Variants in PTGER4 observed in about 807,000 individuals in gnomAD.
The protein encoded by PTGER4 is prostaglandin E2 receptor EP4 subtype.
A neutral mutation model predicts 33.2 loss-of-function variants in PTGER4; 11 were observed. The ratio of observed to expected loss-of-function variants is 0.33; its 90% CI spans 0.21 to 0.55. The LOEUF (loss-of-function observed/expected upper bound fraction) is 0.55, where lower values mean the gene tolerates loss of function less well. PTGER4 is among the 20% of genes least tolerant of loss of function. The pLI is 0.92. For missense variants in PTGER4, 481 were observed against 650.2 expected, an observed-to-expected ratio of 0.74 and a Z score of 2.83; for synonymous variants, 275 against 281.5, an observed-to-expected ratio of 0.98 and a Z score of 0.23.
At chr5:40,699,516 T>G in the PTGER4 span, among the ~76,000 whole-genome samples, 191 of 152,178 alleles carry the variant, frequency 1.3e-3, 3 homozygotes, top group African/African-American at 4.4e-3. Flanking sequence ...GAGGGCAACA[T>G]ATCATGACTT....
At chr5:40,697,960 C>T (rs1010827063), downstream of PTGER4, among the ~76,000 whole-genome samples, 6 of 151,756 alleles carry the variant, frequency 4.0e-5, no homozygotes, top group Admixed American at 2.6e-4. Context: ...ATGTCCTCTG[C>T]AGTAGCACAA....
chr5:40,726,160 TACAC>T, the PTGER4 span, among the ~76,000 whole-genome samples: 6 of 148,162 alleles, frequency 4.0e-5, no homozygotes, highest in South Asian at 2.1e-4. Context: ...TATATATATA[TACAC>T]ACACACACAC....
At chr5:40,722,616 G>GC in the PTGER4 span, among the ~76,000 whole-genome samples, 1 of 151,884 alleles carries the variant, frequency 6.6e-6, no homozygotes. Flanking sequence ...GAAGTGAGGA[G>GC]CCCCTCCGCC....
chr5:40,714,370 T>C, the PTGER4 span: 17 of 152,342 alleles, frequency 1.1e-4, no homozygotes, highest in South Asian at 1.9e-3. Flanking sequence ...TGAGGCACCA[T>C]GCAAGGTACT....
At chr5:40,746,437 G>C in the PTGER4 span, among the ~76,000 whole-genome samples, 7 of 151,998 alleles carry the variant, frequency 4.6e-5, no homozygotes, top group Non-Finnish European at 7.4e-5. Flanking sequence ...TAATTTACCT[G>C]ATACATAATG....
the PTGER4 span, among the ~76,000 whole-genome samples, chr5:40,729,350 T>C: frequency 2.0e-5 from 3 of 152,218 alleles, no homozygotes; most frequent in East Asian, 1.9e-4. Context: ...TAAGGCTGAA[T>C]TGCAACAATT....
chr5:40,692,892 A>AG lies in PTGER4; in HGVS notation c.*514_*515insG. 1 of 983,060 alleles carries AG rather than the reference A, an allele frequency of 1.0e-6. No individual in the cohort carries two copies. Among genetic ancestry groups the AG allele is most frequent in the Non-Finnish European group, 1.2e-6 (1 of 827,294 alleles). 60.9% of individuals were successfully genotyped at this position (983,060 alleles called of 1,614,324 possible). On this transcript the variant is annotated 3_prime_UTR_variant, in exon 3 of 3. Coordinates refer to ENST00000302472, the MANE Select transcript of PTGER4 (RefSeq NM_000958.3). ...AAGGTTTATTGTTAATACAAGGTAT[A>AG]ATAAAATTATCGCAACCCCTCTCCT... is the stretch of plus-strand genomic sequence containing the variant.
At chr5:40,738,671 T>C in the PTGER4 span, among the ~76,000 whole-genome samples, 1 of 152,082 alleles carries the variant, frequency 6.6e-6, no homozygotes, top group South Asian at 2.1e-4. Flanking sequence ...ATGAGCAATG[T>C]ATAAAAGTTT....
chr5:40,710,974 G>A, the PTGER4 span, among the ~76,000 whole-genome samples: 450 of 152,192 alleles, frequency 3.0e-3, 3 homozygotes, highest in African/African-American at 0.011. Context: ...TATACCTAAT[G>A]TAAATGATGA....
At position 40,692,434 on chromosome 5, in the gene PTGER4, T is replaced by C. The variant is rs921849163; in HGVS notation, c.*56T>C. On this transcript the variant is annotated 3_prime_UTR_variant, in exon 3 of 3. Coordinates refer to ENST00000302472, the MANE Select transcript of PTGER4 (RefSeq NM_000958.3). ...TGGACCCTTATAAAATCCTGTGCAA[T>C]AGACACATACATGTCACATTTAGCT... 2.6e-5 allele frequency: 39 copies of C among 1,516,922 alleles called. No individual in the cohort carries two copies. The African/African-American group carries it at 5.3e-4, about 21-fold the overall frequency. The allele number at this position is 1,516,922 out of a possible 1,614,324, so 94.0% of individuals were successfully genotyped here.
At chr5:40,700,250 T>C in the PTGER4 span, among the ~76,000 whole-genome samples, 14 of 152,330 alleles carry the variant, frequency 9.2e-5, no homozygotes, top group East Asian at 1.3e-3. Flanking sequence ...GACTGAGTCA[T>C]TGAAAACTAA....
At chr5:40,687,719 C>A (rs1368586183) in intron 2 of PTGER4, among the ~76,000 whole-genome samples, 1 of 152,122 alleles carries the variant, frequency 6.6e-6, no homozygotes, top group Non-Finnish European at 1.5e-5. Flanking sequence ...TTCAATCTAA[C>A]CAACTTTTGA....
the PTGER4 span, among the ~76,000 whole-genome samples, chr5:40,700,163 G>A: frequency 1.3e-5 from 2 of 152,206 alleles, no homozygotes; most frequent in African/African-American, 4.8e-5. Flanking sequence ...AAAATTGGAA[G>A]ATGAAAATTT....
intron 2 of PTGER4, among the ~76,000 whole-genome samples, chr5:40,687,208 G>C (rs1343801959): frequency 6.6e-6 from 1 of 152,018 alleles, no homozygotes; most frequent in African/African-American, 2.4e-5. Context: ...ACCACGCCCG[G>C]CTAATTTTGT....
At chr5:40,695,723 A>C (rs1438461148), downstream of PTGER4, among the ~76,000 whole-genome samples, 3 of 152,152 alleles carry the variant, frequency 2.0e-5, no homozygotes, top group African/African-American at 7.2e-5. Context: ...AAAAGAAAAA[A>C]ATGGTACTTT....
chr5:40,701,193 G>GATT, the PTGER4 span, among the ~76,000 whole-genome samples: 1 of 152,202 alleles, frequency 6.6e-6, no homozygotes, highest in Non-Finnish European at 1.5e-5. Context: ...TGGCTGGAAT[G>GATT]ATAGAAATAG....
At chr5:40,745,922 G>A in the PTGER4 span, among the ~76,000 whole-genome samples, 5 of 151,902 alleles carry the variant, frequency 3.3e-5, no homozygotes, top group African/African-American at 9.7e-5. Context: ...CTTTAATACA[G>A]ATTTGAAATT....
intron 2 of PTGER4, among the ~76,000 whole-genome samples, chr5:40,688,172 A>G (rs911112434): frequency 6.6e-6 from 1 of 152,198 alleles, no homozygotes; most frequent in Non-Finnish European, 1.5e-5. Flanking sequence ...AGGTTGTGGT[A>G]GGAGAAGCAA....
At chr5:40,738,164 C>T in the PTGER4 span, among the ~76,000 whole-genome samples, 6 of 152,078 alleles carry the variant, frequency 3.9e-5, no homozygotes, top group African/African-American at 1.2e-4. Flanking sequence ...GTAATCCCAG[C>T]ACTTTGGGAG....
Sources: gnomAD v4.1 joint callset for allele counts (sites outside exome capture counted in the v4.1 genomes callset) on GRCh38, gnomAD v4.1.1 for gene constraint, MANE v1.5 for transcripts, NCBI Gene and HGNC (gene_info 2026-07-23, HGNC 2026-07-21) for gene names.